MAGI2: variants seen among roughly 807,000 people sequenced by gnomAD.
MAGI2 encodes membrane-associated guanylate kinase, WW and PDZ domain-containing protein 2.
A neutral mutation model predicts 133.3 loss-of-function variants in MAGI2; 35 were observed. That is an observed-to-expected ratio of 0.26 (90% CI 0.20 to 0.35). The LOEUF (loss-of-function observed/expected upper bound fraction) is 0.35, where lower values mean the gene tolerates loss of function less well. MAGI2 is among the 10% of genes least tolerant of loss of function. The probability of loss-of-function intolerance (pLI) is 1.00; values close to 1 mark genes in which losing one functional copy is unlikely to be tolerated. For synonymous variants in MAGI2, 729 were observed against 710.6 expected (o/e 1.03, Z -0.41); for missense variants, 1,636 against 1,863.4 (o/e 0.88, Z 2.25).
At chr7:78,449,244 CTG>C (rs1788469853) in intron 6 of MAGI2, among the ~76,000 whole-genome samples, 1 of 151,928 alleles carries the variant, frequency 6.6e-6, no homozygotes, top group Non-Finnish European at 1.5e-5. Flanking sequence ...AGAAGAGAGA[CTG>C]TATGTTTGAG....
Position 79,159,532 on chromosome 7 carries a change from A to AG in MAGI2, c.302-152327_302-152326insC, listed in dbSNP as rs1326929622. Among the ~76,000 whole-genome samples the AG allele has an allele frequency of 4.9e-3, 744 of 151,282 alleles. 10 individuals are homozygous for AG. Among genetic ancestry groups the AG allele is most frequent in the African/African-American group, 0.017 (705 of 41,228 alleles). ...GACTCAGTCTCAAAAAAAAAAAAAA[A>AG]AAGAAGAAGAAGAAATTATAATAGC... On this transcript the variant is annotated intron_variant, in intron 1 of 21. Transcript: ENST00000354212.
chr7:79,216,680 G>T (rs1830058695), intron 1 of MAGI2, among the ~76,000 whole-genome samples: 1 of 152,080 alleles, frequency 6.6e-6, no homozygotes, highest in Non-Finnish European at 1.5e-5. Context: ...CCTGTTGCAT[G>T]TCCTGCAAGG....
intron 2 of MAGI2, among the ~76,000 whole-genome samples, chr7:78,747,418 G>A (rs1823025007): frequency 6.6e-6 from 1 of 151,546 alleles, no homozygotes; most frequent in East Asian, 2.0e-4. Context: ...TTTATTGAAT[G>A]TCATTGTGCT....
chr7:79,079,420 G>A (rs1177791515), intron 1 of MAGI2, among the ~76,000 whole-genome samples: 1 of 152,146 alleles, frequency 6.6e-6, no homozygotes, highest in Non-Finnish European at 1.5e-5. Flanking sequence ...CAATATTAAA[G>A]GTTTCTGGTC....
intron 1 of MAGI2, among the ~76,000 whole-genome samples, chr7:79,406,846 A>C (rs531216178): frequency 6.6e-6 from 1 of 152,284 alleles, no homozygotes; most frequent in African/African-American, 2.4e-5. Context: ...AGGAAGTTAA[A>C]ATTTAAATCA....
chr7:79,152,158 A>C (rs192447772), intron 1 of MAGI2, among the ~76,000 whole-genome samples: 219 of 152,358 alleles, frequency 1.4e-3, no homozygotes, highest in African/African-American at 5.1e-3. Flanking sequence ...GCCAGTGTGT[A>C]GAAGAGTATC....
intron 2 of MAGI2, among the ~76,000 whole-genome samples, chr7:78,944,156 T>C (rs1801212505): frequency 6.6e-6 from 1 of 152,134 alleles, no homozygotes; most frequent in South Asian, 2.1e-4. Flanking sequence ...TCTACTTTCA[T>C]CTCTGCTCTG....
At chr7:79,204,187 C>G (rs1828845852) in intron 1 of MAGI2, among the ~76,000 whole-genome samples, 1 of 152,066 alleles carries the variant, frequency 6.6e-6, no homozygotes, top group African/African-American at 2.4e-5. Flanking sequence ...GCCTCATATT[C>G]AAGGCTGATT....
At chr7:78,894,883 T>G (rs1797079834) in intron 2 of MAGI2, among the ~76,000 whole-genome samples, 1 of 152,202 alleles carries the variant, frequency 6.6e-6, no homozygotes, top group Admixed American at 6.5e-5. Flanking sequence ...TAATAATTGT[T>G]ACCCTAAGCA....
intron 2 of MAGI2, among the ~76,000 whole-genome samples, chr7:78,685,600 G>A (rs1397670403): frequency 1.1e-4 from 16 of 151,336 alleles, no homozygotes; most frequent in Admixed American, 9.2e-4. Context: ...AAAAGCACAC[G>A]TGGTTCCTTT....
At chr7:79,022,166 G>T (rs1212573080) in intron 1 of MAGI2, among the ~76,000 whole-genome samples, 2 of 152,086 alleles carry the variant, frequency 1.3e-5, no homozygotes, top group Non-Finnish European at 2.9e-5. Flanking sequence ...ATAGCAGCAT[G>T]AAAATGGACT....
intron 1 of MAGI2, among the ~76,000 whole-genome samples, chr7:79,045,582 G>A (rs1274352832): frequency 1.3e-5 from 2 of 152,132 alleles, no homozygotes; most frequent in Non-Finnish European, 2.9e-5. Flanking sequence ...CACGAGGTCA[G>A]GAGATCGAGA....
intron 6 of MAGI2, among the ~76,000 whole-genome samples, chr7:78,488,224 A>G (rs1316678286): frequency 6.6e-6 from 1 of 152,062 alleles, no homozygotes; most frequent in Non-Finnish European, 1.5e-5. Context: ...CACCAGCATC[A>G]TATTTTAGGC....
At chr7:78,750,423 T>C (rs1823349910) in intron 2 of MAGI2, among the ~76,000 whole-genome samples, 1 of 152,156 alleles carries the variant, frequency 6.6e-6, no homozygotes, top group South Asian at 2.1e-4. Flanking sequence ...GATTGCTGGG[T>C]CAAATGGTAT....
intron 1 of MAGI2, among the ~76,000 whole-genome samples, chr7:79,352,451 G>T (rs1841754888): frequency 6.6e-6 from 1 of 152,170 alleles, no homozygotes; most frequent in Middle Eastern, 3.2e-3. Flanking sequence ...TGGTAGGAAG[G>T]TCTCTTAGAG....
chr7:78,176,223 A>G (rs1263178069), intron 14 of MAGI2, among the ~76,000 whole-genome samples: 1 of 152,136 alleles, frequency 6.6e-6, no homozygotes, highest in Non-Finnish European at 1.5e-5. Context: ...AAGTTACTTG[A>G]GCCCTGTATT....
chr7:78,293,335 T>G (rs1330512161), intron 9 of MAGI2, among the ~76,000 whole-genome samples: 2 of 152,036 alleles, frequency 1.3e-5, no homozygotes, highest in Admixed American at 1.3e-4. Flanking sequence ...CGTGAAAAAA[T>G]GCTCATCATC....
intron 1 of MAGI2, among the ~76,000 whole-genome samples, chr7:79,193,672 G>T (rs2129551356): frequency 6.6e-6 from 1 of 151,804 alleles, no homozygotes; most frequent in Middle Eastern, 3.4e-3. Context: ...TCAAGAGAGG[G>T]ACTGTGGAAG....
chr7:78,273,761 T>C (rs1387945438), intron 9 of MAGI2, among the ~76,000 whole-genome samples: 1 of 152,220 alleles, frequency 6.6e-6, no homozygotes, highest in East Asian at 1.9e-4. Flanking sequence ...CAAGAAGTTC[T>C]TGTGCTGTGT....
Sources: gnomAD v4.1 joint callset for allele counts (sites outside exome capture counted in the v4.1 genomes callset) on GRCh38, gnomAD v4.1.1 for gene constraint, MANE v1.5 for transcripts, NCBI Gene and HGNC (gene_info 2026-07-23, HGNC 2026-07-21) for gene names.